The following SYNE2 variants were observed in gnomAD, a reference collection of about 807,000 sequenced individuals.
SYNE2 encodes nesprin-2.
A neutral mutation model predicts 856.3 loss-of-function variants in SYNE2; 431 were observed. That is an observed-to-expected ratio of 0.50 (90% CI 0.47 to 0.55). The LOEUF is 0.55. Among genes scored for constraint, SYNE2 ranks in the 20% least tolerant of loss-of-function variants. SYNE2 has a pLI of 0.00. For missense variants in SYNE2, 8,129 were observed against 8,023.2 expected (o/e 1.01, Z -0.50); for synonymous variants, 2,923 against 2,872.3 (o/e 1.02, Z -0.56).
chr14:64,208,990 A>T (rs1161988110), intron 101 of SYNE2, 45 bp downstream of exon 101: 1 of 1,593,818 alleles, frequency 6.3e-7, no homozygotes. Flanking sequence ...GGTCAGCCGA[A>T]CTCAATACAC....
intron 1 of SYNE2, among the ~76,000 whole-genome samples, chr14:63,834,571 T>C (rs1889782754): frequency 6.6e-6 from 1 of 151,808 alleles, no homozygotes; most frequent in African/African-American, 2.4e-5. Flanking sequence ...TAAGTGATCC[T>C]CCTGCCTTGG....
chr14:63,801,775 G>T (rs1274503973), intron 1 of SYNE2, among the ~76,000 whole-genome samples: 3 of 151,558 alleles, frequency 2.0e-5, no homozygotes, highest in East Asian at 1.9e-4. Context: ...TCTTAAGAAG[G>T]TCTTTTTAAA....
chr14:64,041,269 T>C (rs1226318652), intron 45 of SYNE2, among the ~76,000 whole-genome samples: 1 of 152,158 alleles, frequency 6.6e-6, no homozygotes, highest in East Asian at 1.9e-4. Flanking sequence ...TCTTGGGGCA[T>C]AGAAGACTTT....
At chr14:64,224,876 C>T in intron 114 of SYNE2, 123 bp from the exon 115 acceptor site, 1 of 922,936 alleles carries the variant, frequency 1.1e-6, no homozygotes, top group South Asian at 1.4e-5. Context: ...CTCTAGTCTC[C>T]AAAGTTTGGC....
chr14:64,140,590 C>T (rs2098131411), intron 80 of SYNE2, among the ~76,000 whole-genome samples: 1 of 152,266 alleles, frequency 6.6e-6, no homozygotes, highest in Non-Finnish European at 1.5e-5. Flanking sequence ...TCTCAAAAAA[C>T]TTGCACTGAC....
intron 112 of SYNE2, 55 bp from the exon 113 acceptor site, chr14:64,223,134 C>T (rs1478328285): frequency 1.2e-6 from 2 of 1,601,302 alleles, no homozygotes; most frequent in Non-Finnish European, 1.7e-6. Flanking sequence ...CTCCTGTGTC[C>T]ACACTCGCTT....
At chr14:63,979,771 G>A (rs965590085) in intron 14 of SYNE2, among the ~76,000 whole-genome samples, 4 of 152,144 alleles carry the variant, frequency 2.6e-5, no homozygotes, top group Non-Finnish European at 5.9e-5. Flanking sequence ...GTGGTTGTAG[G>A]CACCTGTAAT....
intron 45 of SYNE2, among the ~76,000 whole-genome samples, chr14:64,043,753 C>A (rs1370725482): frequency 6.6e-6 from 1 of 152,216 alleles, no homozygotes; most frequent in Non-Finnish European, 1.5e-5. Flanking sequence ...GTGGAAACAC[C>A]TGGATGCCAA....
chr14:64,021,215 T>TTCACATTAC (rs2096933583), intron 35 of SYNE2, 100 bp from the exon 36 acceptor site: 3 of 905,226 alleles, frequency 3.3e-6, no homozygotes, highest in Non-Finnish European at 5.4e-6. Flanking sequence ...GCATTTCACA[T>TTCACATTAC]TGAAATGAAG....
intron 105 of SYNE2, among the ~76,000 whole-genome samples, chr14:64,213,781 G>C (rs897132277): frequency 6.6e-6 from 1 of 152,246 alleles, no homozygotes; most frequent in African/African-American, 2.4e-5. Flanking sequence ...AAGAAAGAAA[G>C]AACCTGGTGC....
At chr14:63,912,842 G>A (rs987199000) in intron 2 of SYNE2, among the ~76,000 whole-genome samples, 2 of 152,234 alleles carry the variant, frequency 1.3e-5, no homozygotes, top group African/African-American at 4.8e-5. Flanking sequence ...AATTCATAGA[G>A]CAGGACGATA....
chr14:64,119,315 T>C, intron 66 of SYNE2, 112 bp from the exon 67 acceptor site: 2 of 1,382,872 alleles, frequency 1.4e-6, no homozygotes. Flanking sequence ...ATCCTGTGTT[T>C]CTGGGACTTC....
chr14:64,218,510 C>A lies in SYNE2; in HGVS notation c.19655C>A (p.Ser6552Ter). ...CTGGCCGGTATCACAGAGCAGCAGTCAGGTACTGCCTGTAACTGGCAGTCG... is the reference window on the plus strand; with the variant it reads ...CTGGCCGGTATCACAGAGCAGCAGTAAGGTACTGCCTGTAACTGGCAGTCG... ...GGLAGITEQQ[S>*]GAFDRWEMIQ... is the part of the protein sequence containing the mutation. Residue 6552 changes from serine to a stop codon, truncating the protein, a stop_gained and splice_region_variant, in exon 109 of 116, where the codon TCA becomes TAA. Transcript: ENST00000555002. LOFTEE classifies it high-confidence loss of function. The A allele has an allele frequency of 6.2e-7, 1 of 1,613,676 alleles. No homozygotes were observed. Among genetic ancestry groups the A allele is most frequent in the South Asian group, 1.1e-5 (1 of 91,018 alleles).
intron 1 of SYNE2, among the ~76,000 whole-genome samples, chr14:63,816,463 A>G (rs962685506): frequency 5.3e-5 from 8 of 152,148 alleles, no homozygotes; most frequent in African/African-American, 1.9e-4. Flanking sequence ...CATGCTACCC[A>G]AAATATGCTA....
chr14:63,998,024 C>T (rs2096726313), intron 25 of SYNE2, among the ~76,000 whole-genome samples, 195 bp from the exon 26 acceptor site: 2 of 152,122 alleles, frequency 1.3e-5, no homozygotes, highest in African/African-American at 2.4e-5. Flanking sequence ...TGCTGCCATA[C>T]CAGTTAGAAG....
rs186037770 is a variant in SYNE2, at chr14:64,219,085, A to G, written c.19658-123A>G. On this transcript the variant is annotated intron_variant, in intron 109 of 115. Coordinates refer to ENST00000555002, the MANE Select transcript of SYNE2 (RefSeq NM_182914.3). ...CAAAACCAGACCCTTCTGTCAGGGG[A>G]ATCCCCTACAGTTTTTTTGTTTTTT... The G allele has an allele frequency of 1.5e-3, 1,298 of 880,092 alleles. 16 individuals carry two copies. Among genetic ancestry groups the G allele is most frequent in the East Asian group, 0.01 (380 of 36,558 alleles). The allele number at this position is 880,092 out of a possible 1,614,324, so 54.5% of individuals were successfully genotyped here.
At chr14:64,194,106 A>T (rs1431484985) in intron 99 of SYNE2, among the ~76,000 whole-genome samples, 1 of 152,210 alleles carries the variant, frequency 6.6e-6, no homozygotes, top group African/African-American at 2.4e-5. Context: ...CACTCTTATG[A>T]AACATGCAGG....
intron 11 of SYNE2, among the ~76,000 whole-genome samples, chr14:63,969,067 A>G (rs2096437700): frequency 6.6e-6 from 1 of 152,140 alleles, no homozygotes; most frequent in Non-Finnish European, 1.5e-5. Flanking sequence ...TTCCACAAAT[A>G]AGTAAGAACA....
At chr14:64,183,058 A>G (rs1467611559) in intron 96 of SYNE2, among the ~76,000 whole-genome samples, 18 of 144,702 alleles carry the variant, frequency 1.2e-4, no homozygotes, top group African/African-American at 4.7e-4. Flanking sequence ...TGCTGGGCGG[A>G]GACGCTCCTC....
Sources: gnomAD v4.1 joint callset for allele counts (sites outside exome capture counted in the v4.1 genomes callset) on GRCh38, gnomAD v4.1.1 for gene constraint, MANE v1.5 for transcripts, NCBI Gene and HGNC (gene_info 2026-07-23, HGNC 2026-07-21) for gene names.